Variants in ZNF184 observed in about 807,000 individuals in gnomAD.
ZNF184 encodes the protein zinc finger protein 184 (Kruppel-like).
A neutral mutation model predicts 54.4 loss-of-function variants in ZNF184; 16 were observed. The observed-to-expected ratio is 0.29, with a 90% CI of 0.20 to 0.45. The LOEUF is 0.45. ZNF184 is among the 20% of genes least tolerant of loss of function. ZNF184 has a pLI of 1.00. For synonymous variants in ZNF184, 254 were observed against 295.3 expected (o/e 0.86, Z 1.43); for missense variants, 681 against 888.2 (o/e 0.77, Z 2.97).
chr6:27,434,905 A>C, the ZNF184 span, among the ~76,000 whole-genome samples: 175 of 152,256 alleles, frequency 1.1e-3, 6 homozygotes, highest in South Asian at 0.032. Context: ...CATTTGTTGA[A>C]TAGACTGTCC....
At chr6:27,440,217 G>C in the ZNF184 span, among the ~76,000 whole-genome samples, 11 of 152,254 alleles carry the variant, frequency 7.2e-5, no homozygotes, top group South Asian at 8.3e-4. Flanking sequence ...ATTGATTTAT[G>C]GATTTTACTG....
the ZNF184 span, among the ~76,000 whole-genome samples, chr6:27,413,841 G>A: frequency 2.6e-5 from 4 of 152,166 alleles, no homozygotes; most frequent in Admixed American, 6.5e-5. Context: ...TAAGTTTAGG[G>A]TTTGAAACTG....
downstream of ZNF184, among the ~76,000 whole-genome samples, chr6:27,448,082 T>C (rs1052097582): frequency 6.6e-6 from 1 of 152,208 alleles, no homozygotes. Context: ...ATATTTTGTG[T>C]TCTTTTGTTT....
chr6:27,443,899 G>A, the ZNF184 span, among the ~76,000 whole-genome samples: 1 of 151,620 alleles, frequency 6.6e-6, no homozygotes, highest in Non-Finnish European at 1.5e-5. Context: ...TCTCTCTTGG[G>A]TCACACTCTT....
At chr6:27,470,389 A>T (rs976833602) in intron 2 of ZNF184, among the ~76,000 whole-genome samples, 5 of 152,218 alleles carry the variant, frequency 3.3e-5, no homozygotes, top group Non-Finnish European at 5.9e-5. Context: ...TTGGCTAAGT[A>T]TGTAAGTTTC....
At chr6:27,469,924 T>C (rs1763233417) in intron 2 of ZNF184, among the ~76,000 whole-genome samples, 1 of 151,982 alleles carries the variant, frequency 6.6e-6, no homozygotes, top group African/African-American at 2.4e-5. Flanking sequence ...AGGGACTAAA[T>C]ATAAAGACAG....
At chr6:27,468,249 C>G (rs1436136529) in intron 2 of ZNF184, among the ~76,000 whole-genome samples, 1 of 152,142 alleles carries the variant, frequency 6.6e-6, no homozygotes, top group Non-Finnish European at 1.5e-5. Context: ...AAGAAGTAAT[C>G]CGATTACTTT....
the ZNF184 span, among the ~76,000 whole-genome samples, chr6:27,415,637 A>G: frequency 6.6e-6 from 1 of 152,184 alleles, no homozygotes; most frequent in African/African-American, 2.4e-5. Context: ...TTCTTACCTC[A>G]GAAATCCCAT....
the ZNF184 span, among the ~76,000 whole-genome samples, chr6:27,437,732 A>C: frequency 6.6e-6 from 1 of 152,338 alleles, no homozygotes; most frequent in East Asian, 1.9e-4. Flanking sequence ...TTGCAACTAA[A>C]TCAGCTTCTT....
intron 3 of ZNF184, among the ~76,000 whole-genome samples, chr6:27,462,623 GGGA>G (rs1250930281): frequency 1.3e-5 from 2 of 151,630 alleles, no homozygotes. Context: ...CCAGCACTTT[GGGA>G]GGCCTAGGCA....
the ZNF184 span, among the ~76,000 whole-genome samples, chr6:27,442,741 G>GGAA: frequency 0.018 from 438 of 24,598 alleles, 21 homozygotes; most frequent in African/African-American, 0.037. Flanking sequence ...GAAGGAAGGA[G>GGAA]GGAGGGAGGG....
At chr6:27,412,094 C>G in the ZNF184 span, among the ~76,000 whole-genome samples, 1 of 152,186 alleles carries the variant, frequency 6.6e-6, no homozygotes, top group African/African-American at 2.4e-5. Flanking sequence ...GCCACAAACT[C>G]CATTTGACAG....
the ZNF184 span, among the ~76,000 whole-genome samples, chr6:27,423,464 T>A: frequency 0.59 from 90,327 of 151,826 alleles, 27,214 homozygotes; most frequent in Middle Eastern, 0.75. Context: ...GGGCTGTGAG[T>A]TTGAAGAAAG....
the ZNF184 span, among the ~76,000 whole-genome samples, chr6:27,441,406 G>C: frequency 1.3e-5 from 2 of 152,024 alleles, no homozygotes; most frequent in Admixed American, 1.3e-4. Context: ...CTAGAAACAG[G>C]GTTTCATTAT....
In ZNF184 at chr6:27,451,771, G is replaced by A. The variant is rs143404361; in HGVS notation, c.1788C>T (p.Asn596=). Reference sequence around the variant, plus strand: ...TATGCTGTGTAAGGTGTATGTTCTGGTTGAATGCTCTCCCACACTCATTAC... The same window carrying A: ...TATGCTGTGTAAGGTGTATGTTCTGATTGAATGCTCTCCCACACTCATTAC... ...YKCNECGRAF[N]QNIHLTQHKR... is the part of the protein sequence containing the mutation. The change falls in exon 6 of 6, where the codon AAC becomes AAT. Residue 596 remains asparagine (N), a synonymous_variant. Transcript: ENST00000683788. 2 of 1,613,898 alleles carry A rather than the reference G, an allele frequency of 1.2e-6. No individual in the cohort carries two copies. Among genetic ancestry groups the A allele is most frequent in the African/African-American group, 2.7e-5 (2 of 74,902 alleles).
intron 5 of ZNF184, 77 bp downstream of exon 5, chr6:27,456,749 C>T: frequency 2.4e-6 from 3 of 1,263,324 alleles, no homozygotes; most frequent in Non-Finnish European, 3.4e-6. Flanking sequence ...TACATCTACA[C>T]TTCAGACATA....
the ZNF184 span, among the ~76,000 whole-genome samples, chr6:27,438,979 T>G: frequency 1.8e-4 from 27 of 152,204 alleles, no homozygotes; most frequent in Non-Finnish European, 3.7e-4. Context: ...TTTAATTTTT[T>G]ATTTCTCAAA....
At chr6:27,458,295 T>TAAAAAAAAAAAAAAAAAA (rs55966783) in intron 3 of ZNF184, among the ~76,000 whole-genome samples, 3 of 62,364 alleles carry the variant, frequency 4.8e-5, no homozygotes, top group African/African-American at 6.7e-5. Context: ...TTCTGCACAG[T>TAAAAAAAAAAAAAAAAAA]AAAAAAAAAA....
chr6:27,455,650 G>A (rs1762834882), intron 5 of ZNF184, among the ~76,000 whole-genome samples: 2 of 151,966 alleles, frequency 1.3e-5, no homozygotes, highest in Non-Finnish European at 2.9e-5. Context: ...GAGGCAGGGC[G>A]GGGGTTGGGA....
Sources: allele counts gnomAD v4.1 joint callset (sites outside exome capture counted in the v4.1 genomes callset), GRCh38; gene constraint gnomAD v4.1.1; transcripts MANE v1.5; gene names NCBI Gene and HGNC (gene_info 2026-07-23, HGNC 2026-07-21).